MEGF8: variants seen among roughly 807,000 people sequenced by gnomAD.
The protein encoded by MEGF8 is multiple EGF like domains 8.
A neutral mutation model predicts 302.9 loss-of-function variants in MEGF8; 156 were observed. The observed-to-expected ratio is 0.52, with a 90% CI of 0.45 to 0.59. MEGF8 has a LOEUF of 0.59. Among genes scored for constraint, MEGF8 ranks in the 20% least tolerant of loss-of-function variants. The pLI is 0.00. For synonymous variants in MEGF8, 1,621 were observed against 1,660.5 expected (o/e 0.98, Z 0.58); for missense variants, 3,345 against 3,964.5 (o/e 0.84, Z 4.20).
At chr19:42,355,059 C>T (rs1453216840) in intron 23 of MEGF8, among the ~76,000 whole-genome samples, 5 of 152,258 alleles carry the variant, frequency 3.3e-5, no homozygotes, top group Admixed American at 2.6e-4. Flanking sequence ...TGGGCTCCAG[C>T]GATTCTCCTG....
rs2039646847 is a variant in MEGF8 at position 42,369,000 on chromosome 19, C to T, written c.6639C>T (p.Asp2213=). 6.2e-7 allele frequency: 1 copy of T among 1,613,274 alleles called. No individual in the cohort carries two copies. The highest frequency in any genetic ancestry group is 8.5e-7 in the Non-Finnish European group (1 of 1,179,798). Residue 2213 remains aspartate, a splice_region_variant and synonymous_variant, in exon 37 of 42, where the codon GAC becomes GAT. Transcript: ENST00000251268. The surrounding 1 kb of genome is among the most constrained non-coding windows in gnomAD (Gnocchi z 4.9). ...ECSCKTGYTM[D]NMTGLCRPVC... is the part of the protein sequence containing the mutation. ...GCTGCAAGACCGGCTATACCATGGACAAGTGAGGCCGCAGGCGGCGCTGGG... is the reference window on the plus strand; with the variant it reads ...GCTGCAAGACCGGCTATACCATGGATAAGTGAGGCCGCAGGCGGCGCTGGG...
intron 35 of MEGF8, 86 bp downstream of exon 35, chr19:42,363,348 A>G: frequency 8.8e-7 from 1 of 1,139,296 alleles, no homozygotes; most frequent in East Asian, 2.6e-5. Context: ...TTCTTCCACC[A>G]TCTCCTCCAC....
intron 12 of MEGF8, 36 bp from the exon 13 acceptor site, chr19:42,348,223 TGTGAGTCCAGAAA>T: frequency 6.8e-7 from 1 of 1,478,168 alleles, no homozygotes; most frequent in Admixed American, 2.1e-5. Flanking sequence ...TGATGTGGCC[TGTGAGTCCAGAAA>T]GGGACTCACA....
chr19:42,375,061 C>T lies in MEGF8; in HGVS notation c.7270-446C>T, dbSNP rs1052879943. On this transcript the variant is annotated intron_variant, in intron 41 of 41. Transcript: ENST00000251268. The surrounding 1 kb of genome is among the most constrained non-coding windows in gnomAD (Gnocchi z 7.1). ...CAGGCGAGGCTGGCTGACCCTGCGC[C>T]GAGTGCCATGCACATGATCTCAGTG... Among the ~76,000 whole-genome samples the T allele has an allele frequency of 2.6e-5, 4 of 152,066 alleles. No homozygotes were observed. The highest frequency in any genetic ancestry group is 2.1e-4 in the South Asian group (1 of 4,818).
intron 35 of MEGF8, among the ~76,000 whole-genome samples, chr19:42,367,575 A>T (rs2039626744): frequency 6.6e-6 from 1 of 152,066 alleles, no homozygotes; most frequent in Admixed American, 6.5e-5. Context: ...TTTTTCTAAG[A>T]AACTGTGGTT....
In MEGF8 at chr19:42,351,534, CG is replaced by C. The variant is rs1568565556; in HGVS notation, c.2966del (p.Gly989AlafsTer22). On this transcript the variant is annotated frameshift_variant, in exon 17 of 42. Coordinates refer to ENST00000251268, the MANE Select transcript of MEGF8 (RefSeq NM_001271938.2). LOFTEE classifies it high-confidence loss of function. The surrounding 1 kb of genome is among the most constrained non-coding windows in gnomAD (Gnocchi z 5.6). ...CTGCCTACTTGGCCCGGTACCCACA[CG>C]GGGGCTGTCGAGGCTGGGACGACAG... ...FAAYLARYPH[G>X]GCRGWDDSVH... The C allele has an allele frequency of 6.2e-7, 1 of 1,609,346 alleles. No individual in the cohort carries two copies. The highest frequency in any genetic ancestry group is 1.7e-5 in the Admixed American group (1 of 59,376).
chr19:42,376,854 C>A lies in MEGF8; in HGVS notation c.*79C>A, dbSNP rs560397338. The A allele has an allele frequency of 8.7e-6, 12 of 1,386,736 alleles. No individual in the cohort carries two copies. The highest frequency in any genetic ancestry group is 1.1e-5 in the Non-Finnish European group (12 of 1,068,554). 85.9% of individuals were successfully genotyped at this position (1,386,736 alleles called of 1,614,324 possible). A position where few individuals can be genotyped will look rare whatever the true frequency, so the allele number is the denominator to read the frequency against. ...GACTTGGGGTCCCTCCACCTGGGGG[C>A]CCCTGGACACTGTCTACTTGGAGAC... is the stretch of plus-strand genomic sequence containing the variant. On this transcript the variant is annotated 3_prime_UTR_variant, in exon 42 of 42. Transcript: ENST00000251268. The surrounding 1 kb of genome is among the most constrained non-coding windows in gnomAD (Gnocchi z 8.2).
chr19:42,360,905 C>G lies in MEGF8; in HGVS notation c.5619C>G (p.Pro1873=). The change falls in exon 32 of 42, where the codon CCC becomes CCG. Residue 1873 remains proline, a synonymous_variant. Transcript: ENST00000251268. ...ALGRLLALTL[P]PDPCRLLSSP... ...GCCGCCTGCTGGCACTGACCCTGCCCCCTGACCCCTGCCGCCTGCTGTCCT... is the reference window on the plus strand; with the variant it reads ...GCCGCCTGCTGGCACTGACCCTGCCGCCTGACCCCTGCCGCCTGCTGTCCT... 6.2e-7 allele frequency: 1 copy of G among 1,613,094 alleles called. No individual in the cohort carries two copies. The highest frequency in any genetic ancestry group is 1.1e-5 in the South Asian group (1 of 91,010).
In MEGF8 at chr19:42,356,288, T is replaced by A. The variant is rs367675302; in HGVS notation, c.4504-47T>A. On this transcript the variant is annotated intron_variant, in intron 25 of 41. Coordinates refer to ENST00000251268, the MANE Select transcript of MEGF8 (RefSeq NM_001271938.2). This position sits in a 1 kb window ranked among gnomAD's most constrained non-coding sequence, Gnocchi z 5.2. ...CCACCCCTACACCCAGGCCTGGCAC[T>A]TTGTCCTGACCCTAGCCTGATCCCC... 1.9e-6 allele frequency: 3 copies of A among 1,579,008 alleles called. No individual in the cohort carries two copies. Among genetic ancestry groups the A allele is most frequent in the African/African-American group, 2.7e-5 (2 of 74,048 alleles).
Position 42,376,054 on chromosome 19 carries a change from C to A in MEGF8, c.7817C>A (p.Ala2606Asp). 1 of 1,604,026 alleles carries A rather than the reference C, an allele frequency of 6.2e-7. No homozygotes were observed. ...ATCACCTACCCACACGAGCACCATG[C>A]CCTCAAGTCGAGCCGCTTCTACCTG... ...LVITYPHEHH[A>D]LKSSRFYLLL... The change falls in exon 42 of 42, where the codon GCC becomes GAC. Residue 2606 changes from alanine to aspartate, a missense_variant. Transcript: ENST00000251268. The surrounding 1 kb of genome is among the most constrained non-coding windows in gnomAD (Gnocchi z 8.2).
At chr19:42,346,984 C>CAAAAAAAAAAAAAAAAAAAAA (rs767117534) in intron 12 of MEGF8, among the ~76,000 whole-genome samples, 8 of 49,750 alleles carry the variant, frequency 1.6e-4, no homozygotes, top group Middle Eastern at 0.01. Flanking sequence ...GACTCTGTCT[C>CAAAAAAAAAAAAAAAAAAAAA]AAAAAAAAAA....
Position 42,376,021 on chromosome 19 carries a change from G to C in MEGF8, c.7784G>C (p.Arg2595Pro). 1 of 1,605,214 alleles carries C rather than the reference G, an allele frequency of 6.2e-7. No individual in the cohort carries two copies. Among genetic ancestry groups the C allele is most frequent in the Non-Finnish European group, 8.5e-7 (1 of 1,177,782 alleles). ...AVLVVRGVRDRLVITYPHEHH... is the reference protein window; with the variant it reads ...AVLVVRGVRDPLVITYPHEHH... ...CTGGTGGTCCGCGGCGTGCGGGACC[G>C]GCTGGTCATCACCTACCCACACGAG... Residue 2595 changes from arginine (R) to proline (P), a missense_variant, in exon 42 of 42, where the codon CGG becomes CCG. Arg to Pro is a moderately radical substitution (Grantham distance 103, BLOSUM62 -2). Transcript: ENST00000251268. The surrounding 1 kb of genome is among the most constrained non-coding windows in gnomAD (Gnocchi z 8.2).
chr19:42,368,395 T>G lies in MEGF8; in HGVS notation c.6274-60T>G. 1 of 1,411,774 alleles carries G rather than the reference T, an allele frequency of 7.1e-7. No homozygotes were observed. Among genetic ancestry groups the G allele is most frequent in the Non-Finnish European group, 9.6e-7 (1 of 1,041,914 alleles). The allele number at this position is 1,411,774 out of a possible 1,614,324, so 87.5% of individuals were successfully genotyped here. Reference sequence around the variant, plus strand: ...TGGGAAGATACCCAGAATGTGTTTGTTTAAGCTTATTTCCCCATCTCTCTC... The same window carrying G: ...TGGGAAGATACCCAGAATGTGTTTGGTTAAGCTTATTTCCCCATCTCTCTC... On this transcript the variant is annotated intron_variant, in intron 35 of 41. Transcript: ENST00000251268. The surrounding 1 kb of genome is among the most constrained non-coding windows in gnomAD (Gnocchi z 4.9).
intron 40 of MEGF8, 41 bp from the exon 41 acceptor site, chr19:42,371,309 G>T (rs1322577778): frequency 6.2e-7 from 1 of 1,608,270 alleles, no homozygotes; most frequent in Non-Finnish European, 8.5e-7. Context: ...CTGGACCACT[G>T]CAGGCCATGG....
At position 42,362,109 on chromosome 19, in the gene MEGF8, C is replaced by G. The variant is rs147084460; in HGVS notation, c.5740C>G (p.Pro1914Ala). Reference protein sequence around the residue: ...QAHRLGCGGSPCSPMPRSPEE... With the variant: ...QAHRLGCGGSACSPMPRSPEE... ...CTTTAGGCTGGGCTGCGGGGGCTCC[C>G]CCTGCTCCCCAATGCCTCGCTCCCC... The change falls in exon 33 of 42, where the codon CCC (proline) becomes GCC (alanine). Residue 1914 changes from proline to alanine, a missense_variant. By Grantham distance (27) the Pro-to-Ala change is conservative. Transcript: ENST00000251268. 324 of 1,612,200 alleles carry G rather than the reference C, an allele frequency of 2.0e-4. No individual in the cohort carries two copies. The highest frequency in any genetic ancestry group is 2.5e-4 in the Non-Finnish European group (290 of 1,179,544).
rs367769622 is a variant in MEGF8, at chr19:42,333,786, C to G, written c.351+18C>G. The G allele has an allele frequency of 3.1e-6, 5 of 1,611,150 alleles. No individual in the cohort carries two copies. Among genetic ancestry groups the G allele is most frequent in the Admixed American group, 1.7e-5 (1 of 59,868 alleles). ...CAGGCAAGGTTAGTGGGGATGGGGCCGTGGCAGATACACCGAGGGAAATGG... is the reference window on the plus strand; with the variant it reads ...CAGGCAAGGTTAGTGGGGATGGGGCGGTGGCAGATACACCGAGGGAAATGG... On this transcript the variant is annotated intron_variant, in intron 2 of 41. Transcript: ENST00000251268.
chr19:42,344,282 C>T lies in MEGF8; in HGVS notation c.1789-159C>T, dbSNP rs1055681224. Reference sequence around the variant, plus strand: ...CCTTTTGAGCCCGTGACCCCATCCCCGCATCCCCCGTCCTCTGGATCTCCC... The same window carrying T: ...CCTTTTGAGCCCGTGACCCCATCCCTGCATCCCCCGTCCTCTGGATCTCCC... On this transcript the variant is annotated intron_variant, in intron 10 of 41. Transcript: ENST00000251268. This position sits in a 1 kb window ranked among gnomAD's most constrained non-coding sequence, Gnocchi z 4.5. Among the ~76,000 whole-genome samples, 5 of 152,106 alleles carry T rather than the reference C, an allele frequency of 3.3e-5. No homozygotes were observed. The highest frequency in any genetic ancestry group is 1.3e-4 in the Admixed American group (2 of 15,276).
rs1468585921 is a variant in MEGF8, at chr19:42,376,667, G to A, written c.8430G>A (p.Leu2810=). 3 of 1,531,840 alleles carry A rather than the reference G, an allele frequency of 2.0e-6. No individual in the cohort carries two copies. The highest frequency in any genetic ancestry group is 2.7e-5 in the African/African-American group (2 of 73,100). 94.9% of individuals were successfully genotyped at this position (1,531,840 alleles called of 1,614,324 possible). A position where few individuals can be genotyped will look rare whatever the true frequency, so the allele number is the denominator to read the frequency against. The change falls in exon 42 of 42, where the codon CTG becomes CTA. Residue 2810 remains leucine (L), a synonymous_variant. Transcript: ENST00000251268. The surrounding 1 kb of genome is among the most constrained non-coding windows in gnomAD (Gnocchi z 8.2). ...GSALVTLRHR[L]HEYCGGGGGA... is the part of the protein sequence containing the mutation. ...CCCTCGTCACACTGCGGCACAGGCT[G>A]CACGAGTACTGTGGGGGTGGTGGGG...
At position 42,326,328 on chromosome 19, in the gene MEGF8, G is replaced by A. The variant is rs750104104; in HGVS notation, c.85G>A (p.Asp29Asn). The stretch of plus-strand genomic sequence containing the variant: ...GCTGTCCCCTGGGGCCCGGGCGGGG[G>A]ACTGCAAGGGGCAGCGGCAGGTGCT... Reference protein sequence around the residue: ...GSLSPGARAGDCKGQRQVLRE... With the variant: ...GSLSPGARAGNCKGQRQVLRE... Residue 29 changes from aspartate (D) to asparagine (N), a missense_variant, in exon 1 of 42, where the codon GAC becomes AAC. Coordinates refer to ENST00000251268, the MANE Select transcript of MEGF8 (RefSeq NM_001271938.2). The A allele has an allele frequency of 3.9e-5, 62 of 1,570,964 alleles. No homozygotes were observed. The highest frequency in any genetic ancestry group is 5.0e-5 in the Non-Finnish European group (58 of 1,164,200).
Sources: allele counts gnomAD v4.1 joint callset (sites outside exome capture counted in the v4.1 genomes callset), GRCh38; gene constraint gnomAD v4.1.1; non-coding constraint Gnocchi (gnomAD v3.1); transcripts MANE v1.5; gene names NCBI Gene and HGNC (gene_info 2026-07-23, HGNC 2026-07-21).